The following WDR49 variants were observed in gnomAD, a reference collection of about 807,000 sequenced individuals.
WDR49 encodes the protein WD repeat domain 49.
Under a neutral mutation model 119.5 loss-of-function variants are expected in WDR49, and 107 were observed. The observed-to-expected ratio is 0.90, with a 90% CI of 0.77 to 1.05. The LOEUF (loss-of-function observed/expected upper bound fraction) is 1.05, where lower values mean the gene tolerates loss of function less well. WDR49 is among the 50% of genes least tolerant of loss of function. The pLI, the probability that WDR49 is intolerant of heterozygous loss-of-function variation, is 0.00. For missense variants in WDR49, 1,240 were observed against 1,220.5 expected, an observed-to-expected ratio of 1.02 and a Z score of -0.24; for synonymous variants, 425 against 418.8, an observed-to-expected ratio of 1.01 and a Z score of -0.18.
intron 7 of WDR49, among the ~76,000 whole-genome samples, chr3:167,593,579 T>A (rs141156101): frequency 6.6e-6 from 1 of 152,258 alleles, no homozygotes; most frequent in Non-Finnish European, 1.5e-5. Flanking sequence ...AATGGTCACA[T>A]ATCTCTGTTT....
intron 8 of WDR49, among the ~76,000 whole-genome samples, chr3:167,573,811 C>T (rs951936665): frequency 1.3e-5 from 2 of 152,138 alleles, no homozygotes; most frequent in Non-Finnish European, 2.9e-5. Flanking sequence ...TCCTAAGATC[C>T]CTTTACTGCT....
intron 7 of WDR49, among the ~76,000 whole-genome samples, chr3:167,579,175 C>G (rs773824208): frequency 2.0e-5 from 3 of 151,958 alleles, no homozygotes; most frequent in African/African-American, 7.2e-5. Context: ...CCTCACCATG[C>G]CTTTATAAAT....
rs144245287 is a variant in WDR49 at position 167,486,749 on chromosome 3, G to A, written c.3032-7753C>T. ...TTCATAAAACAAGTTCTTGGCCTAT[G>A]AAAAAAATTTAGACAACCACACAAT... On this transcript the variant is annotated intron_variant, in intron 18 of 18. Transcript: ENST00000682715. Among the ~76,000 whole-genome samples, 604 of 152,046 alleles carry A rather than the reference G, an allele frequency of 4.0e-3. 3 individuals carry two copies. Among genetic ancestry groups the A allele is most frequent in the African/African-American group, 0.014 (564 of 41,516 alleles).
chr3:167,654,732 G>A (rs1718539871), upstream of WDR49, among the ~76,000 whole-genome samples: 1 of 151,784 alleles, frequency 6.6e-6, no homozygotes, highest in African/African-American at 2.4e-5. Context: ...ATTGTATCTA[G>A]TAAAAATACA....
At chr3:167,568,367 CT>C (rs1713731731) in intron 8 of WDR49, among the ~76,000 whole-genome samples, 1 of 152,180 alleles carries the variant, frequency 6.6e-6, no homozygotes, top group South Asian at 2.1e-4. Flanking sequence ...TGTATAATAA[CT>C]GCTCATTCTC....
intron 18 of WDR49, among the ~76,000 whole-genome samples, chr3:167,494,954 C>T (rs1448768621): frequency 6.6e-6 from 1 of 152,202 alleles, no homozygotes; most frequent in African/African-American, 2.4e-5. Context: ...TGTACCTCAG[C>T]ACTGACCCGG....
intron 9 of WDR49, among the ~76,000 whole-genome samples, chr3:167,557,735 A>G (rs1419095815): frequency 1.4e-5 from 2 of 147,780 alleles, no homozygotes; most frequent in African/African-American, 5.0e-5. Flanking sequence ...CCTGGGCAAC[A>G]GAGCGAGACT....
At chr3:167,492,865 G>A (rs1751201632) in intron 18 of WDR49, among the ~76,000 whole-genome samples, 1 of 150,750 alleles carries the variant, frequency 6.6e-6, no homozygotes, top group Non-Finnish European at 1.5e-5. Flanking sequence ...AACTTATCGG[G>A]TATAAAACTG....
chr3:167,534,778 T>C (rs1038185485), intron 11 of WDR49, among the ~76,000 whole-genome samples: 7 of 152,322 alleles, frequency 4.6e-5, no homozygotes, highest in Admixed American at 3.9e-4. Flanking sequence ...TTCTCTTTAA[T>C]ATGCCACATC....
intron 7 of WDR49, among the ~76,000 whole-genome samples, chr3:167,585,494 G>A (rs1714764846): frequency 6.6e-6 from 1 of 151,018 alleles, no homozygotes; most frequent in Admixed American, 6.6e-5. Context: ...AGGTGATTAA[G>A]TAGTTAAATT....
At position 167,559,136 on chromosome 3, in the gene WDR49, C is replaced by A. The variant is rs146142685; in HGVS notation, c.1674+928G>T. 1.7e-3 allele frequency among the ~76,000 whole-genome samples: 259 copies of A among 152,294 alleles called. 1 individual carries two copies. The highest frequency in any genetic ancestry group is 5.8e-3 in the African/African-American group (242 of 41,556). On this transcript the variant is annotated intron_variant, in intron 9 of 18. Coordinates refer to ENST00000682715, the MANE Select transcript of WDR49 (RefSeq NM_001366157.1). ...AGCACCTTCCTCACACTAATGACTG[C>A]CAGCCTGTAATCTCCCTGAATACCT...
At chr3:167,508,363 T>A (rs1051091715) in intron 16 of WDR49, among the ~76,000 whole-genome samples, 1 of 152,192 alleles carries the variant, frequency 6.6e-6, no homozygotes, top group Non-Finnish European at 1.5e-5. Flanking sequence ...CACCTCTTGG[T>A]TGGTTGACCT....
chr3:167,554,590 G>T (rs1038185149), intron 10 of WDR49, 60 bp downstream of exon 10: 13 of 1,172,608 alleles, frequency 1.1e-5, no homozygotes, highest in Admixed American at 2.5e-5. Flanking sequence ...AGTCAACCAA[G>T]ATTTTTATGT....
chr3:167,535,163 G>A (rs960544269), intron 11 of WDR49, among the ~76,000 whole-genome samples: 2 of 152,054 alleles, frequency 1.3e-5, no homozygotes, highest in Admixed American at 1.3e-4. Context: ...GCCGTGAGGG[G>A]AAATCAGACA....
intron 10 of WDR49, among the ~76,000 whole-genome samples, chr3:167,551,407 G>A (rs939849144): frequency 2.0e-4 from 31 of 151,974 alleles, no homozygotes; most frequent in African/African-American, 7.0e-4. Flanking sequence ...TTTTTTGTGT[G>A]TTTCTTCATA....
chr3:167,588,092 C>T (rs1000662747), intron 7 of WDR49, among the ~76,000 whole-genome samples: 1 of 152,088 alleles, frequency 6.6e-6, no homozygotes, highest in Non-Finnish European at 1.5e-5. Context: ...ACTTCCTCTC[C>T]AACCTCCCCC....
At position 167,512,059 on chromosome 3, in the gene WDR49, G is replaced by A. The variant is rs79085340; in HGVS notation, c.2775-6643C>T. On this transcript the variant is annotated intron_variant, in intron 16 of 18. Transcript: ENST00000682715. ...TCTGAGGAATCAAGGCAGTCCAGACGAGTGGAATTCCCGCCAGGGCAGCAC... is the reference window on the plus strand; with the variant it reads ...TCTGAGGAATCAAGGCAGTCCAGACAAGTGGAATTCCCGCCAGGGCAGCAC... Among the ~76,000 whole-genome samples the A allele has an allele frequency of 1.9e-3, 286 of 152,272 alleles. 1 individual carries two copies. Among genetic ancestry groups the A allele is most frequent in the Middle Eastern group, 0.01 (3 of 294 alleles).
At chr3:167,519,238 C>T (rs1752334300) in intron 16 of WDR49, among the ~76,000 whole-genome samples, 1 of 152,026 alleles carries the variant, frequency 6.6e-6, no homozygotes, top group Non-Finnish European at 1.5e-5. Flanking sequence ...AGACCTAGAA[C>T]CAGAAATAGT....
chr3:167,636,877 T>C (rs534058562), intron 2 of WDR49, among the ~76,000 whole-genome samples: 1 of 152,026 alleles, frequency 6.6e-6, no homozygotes, highest in South Asian at 2.1e-4. Context: ...GAGTTCATTG[T>C]AGATTCTGGA....
Sources: allele counts gnomAD v4.1 joint callset (sites outside exome capture counted in the v4.1 genomes callset), GRCh38; gene constraint gnomAD v4.1.1; transcripts MANE v1.5; gene names NCBI Gene and HGNC (gene_info 2026-07-23, HGNC 2026-07-21).